Variants in PPIE observed in about 807,000 individuals in gnomAD.
PPIE encodes peptidylprolyl isomerase E, also known as peptidyl-prolyl cis-trans isomerase E.
A neutral mutation model predicts 38.4 loss-of-function variants in PPIE; 20 were observed. The observed-to-expected ratio is 0.52, with a 90% CI of 0.37 to 0.76. The LOEUF is 0.76. Among genes scored for constraint, PPIE ranks in the 30% least tolerant of loss-of-function variants. The probability of loss-of-function intolerance (pLI) is 0.00; values close to 1 mark genes in which losing one functional copy is unlikely to be tolerated. For missense variants in PPIE, 322 were observed against 385.8 expected (o/e 0.83, Z 1.39); for synonymous variants, 142 against 135.7 (o/e 1.05, Z -0.32).
chr1:39,741,670 C>A, intron 3 of PPIE: 1 of 626,080 alleles, frequency 1.6e-6, no homozygotes, highest in Non-Finnish European at 2.8e-6. Context: ...AGCATTCTTG[C>A]CTGGAAGTAG....
At chr1:39,762,708 G>A (rs1649163366) in intron 9 of PPIE, 1 of 1,466,356 alleles carries the variant, frequency 6.8e-7, no homozygotes, top group Non-Finnish European at 9.0e-7. Context: ...CGGGCGGTCA[G>A]ACTTGCCAGC....
chr1:39,745,524 G>A lies in PPIE; in HGVS notation c.508+26G>A, dbSNP rs371001547. 3.8e-5 allele frequency: 62 copies of A among 1,613,896 alleles called. 2 individuals carry two copies. In the Middle Eastern group the frequency reaches 4.9e-4, roughly 13 times the overall value. ...GTGAGCAGGACGCTGTGGTCAGAAC[G>A]GCGGGACGCTGGTGGCTGAGCAGTG... On this transcript the variant is annotated intron_variant, in intron 7 of 9. Transcript: ENST00000324379.
In PPIE at chr1:39,755,199, C is replaced by T. The variant is rs1025214749; in HGVS notation, c.*1844C>T. On this transcript the variant is annotated 3_prime_UTR_variant, in exon 10 of 10. Transcript: ENST00000324379. ...ACTGAGTCCTGTAGCTGTTGGACAC[C>T]TCCTGTGGGTTGGGTCACTCAGACC... is the stretch of plus-strand genomic sequence containing the variant. 2 of 985,336 alleles carry T rather than the reference C, an allele frequency of 2.0e-6. No individual in the cohort carries two copies. The highest frequency in any genetic ancestry group is 1.7e-5 in the African/African-American group (1 of 57,232). 61.0% of individuals were successfully genotyped at this position (985,336 alleles called of 1,614,324 possible). A position where few individuals can be genotyped will look rare whatever the true frequency, so the allele number is the denominator to read the frequency against.
chr1:39,762,895 A>G (rs912537764), intron 9 of PPIE, among the ~76,000 whole-genome samples: 4 of 152,212 alleles, frequency 2.6e-5, no homozygotes, highest in African/African-American at 4.8e-5. Flanking sequence ...TTTGGGTGCG[A>G]GTCTACGTGT....
chr1:39,756,351 T>A lies in PPIE; in HGVS notation c.*2996T>A. 1.0e-6 allele frequency: 1 copy of A among 985,434 alleles called. No individual in the cohort carries two copies. The highest frequency in any genetic ancestry group is 1.2e-6 in the Non-Finnish European group (1 of 829,918). 61.0% of individuals were successfully genotyped at this position (985,434 alleles called of 1,614,324 possible). On this transcript the variant is annotated 3_prime_UTR_variant, in exon 10 of 10. Coordinates refer to ENST00000324379, the MANE Select transcript of PPIE (RefSeq NM_006112.4). ...GACTGGGCACAGGGCTTCCTTTTGC[T>A]GATTCATTTCCCCCCTAACTCATTC... is the stretch of plus-strand genomic sequence containing the variant.
chr1:39,761,831 G>T (rs752246577), intron 9 of PPIE, among the ~76,000 whole-genome samples: 4 of 152,162 alleles, frequency 2.6e-5, no homozygotes, highest in Non-Finnish European at 5.9e-5. Flanking sequence ...TCACCTCCAC[G>T]GTTGTTTTGC....
At chr1:39,739,092 C>T (rs1385641980) in intron 1 of PPIE, 161 bp downstream of exon 1, 1 of 713,252 alleles carries the variant, frequency 1.4e-6, no homozygotes, top group South Asian at 4.2e-5. Context: ...GCTTAAACTC[C>T]TTCCAAGGTT....
At chr1:39,759,089 T>A (rs1293457145), downstream of PPIE, 1 of 152,354 alleles carries the variant, frequency 6.6e-6, no homozygotes, top group Non-Finnish European at 1.5e-5. Flanking sequence ...GCAGGTAAAT[T>A]ACAGGCTTAG....
downstream of PPIE, chr1:39,758,444 C>A (rs1175284787): frequency 6.6e-6 from 1 of 152,308 alleles, no homozygotes; most frequent in Non-Finnish European, 1.5e-5. Flanking sequence ...CCAGGATGGT[C>A]TTGAACTCCT....
downstream of PPIE, among the ~76,000 whole-genome samples, chr1:39,761,703 CCTT>C (rs1267547340): frequency 6.6e-5 from 10 of 152,270 alleles, no homozygotes; most frequent in African/African-American, 2.4e-4. Flanking sequence ...TGGAATTGCT[CCTT>C]CTGCTGGAAC....
rs1648132988 is a variant in PPIE, at chr1:39,755,178, A to T, written c.*1823A>T. On this transcript the variant is annotated 3_prime_UTR_variant, in exon 10 of 10. Coordinates refer to ENST00000324379, the MANE Select transcript of PPIE (RefSeq NM_006112.4). ...TGCTGAAGGCTTTTAGCAGGGACTG[A>T]GTCCTGTAGCTGTTGGACACCTCCT... The T allele has an allele frequency of 1.0e-6, 1 of 985,338 alleles. No homozygotes were observed. Among genetic ancestry groups the T allele is most frequent in the South Asian group, 4.7e-5 (1 of 21,298 alleles). The allele number at this position is 985,338 out of a possible 1,614,324, so 61.0% of individuals were successfully genotyped here. A position where few individuals can be genotyped will look rare whatever the true frequency, so the allele number is the denominator to read the frequency against.
rs1266357256 is a variant in PPIE, at chr1:39,742,367, T to TACTA, written c.201+447_201+448insCTAA. ...TGGGAAAAATGATGATGCTCTTTAG[T>TACTA]ATTTGTGCCTTCCTTGAGATCCTTT... On this transcript the variant is annotated intron_variant, in intron 4 of 9. Coordinates refer to ENST00000324379, the MANE Select transcript of PPIE (RefSeq NM_006112.4). The TACTA allele has an allele frequency of 1.5e-3, 232 of 156,966 alleles. 4 individuals carry two copies. Among genetic ancestry groups the TACTA allele is most frequent in the East Asian group, 1.1e-3 (6 of 5,354 alleles). The allele number at this position is 156,966 out of a possible 1,614,324, so 9.7% of individuals were successfully genotyped here. A position where few individuals can be genotyped will look rare whatever the true frequency, so the allele number is the denominator to read the frequency against.
chr1:39,763,190 C>G (rs776769804), intron 9 of PPIE: 2 of 1,612,476 alleles, frequency 1.2e-6, no homozygotes, highest in African/African-American at 1.3e-5. Context: ...CCTTGGGGAG[C>G]GATGACCCAG....
At chr1:39,758,342 C>T (rs921700238), downstream of PPIE, 1 of 152,270 alleles carries the variant, frequency 6.6e-6, no homozygotes, top group Non-Finnish European at 1.5e-5. Flanking sequence ...GCAATTCTGC[C>T]TCAGCCTCCT....
intron 8 of PPIE, among the ~76,000 whole-genome samples, chr1:39,750,738 C>T (rs1345898383): frequency 6.6e-6 from 1 of 152,164 alleles, no homozygotes; most frequent in Non-Finnish European, 1.5e-5. Flanking sequence ...TCTTTGCTGT[C>T]TCCTTCTTTT....
In PPIE at chr1:39,755,749, G is replaced by A. The variant is rs1185354595; in HGVS notation, c.*2394G>A. Reference sequence around the variant, plus strand: ...GTTCTGAAAGCTCAGCAGGTTTGGAGCCATTGGGTGTGGACTCCTCTCCCA... The same window carrying A: ...GTTCTGAAAGCTCAGCAGGTTTGGAACCATTGGGTGTGGACTCCTCTCCCA... On this transcript the variant is annotated 3_prime_UTR_variant, in exon 10 of 10. Coordinates refer to ENST00000324379, the MANE Select transcript of PPIE (RefSeq NM_006112.4). 1.0e-5 allele frequency: 10 copies of A among 985,406 alleles called. No homozygotes were observed. The highest frequency in any genetic ancestry group is 1.2e-5 in the Non-Finnish European group (10 of 829,934). The allele number at this position is 985,406 out of a possible 1,614,324, so 61.0% of individuals were successfully genotyped here.
At chr1:39,747,455 CTTTTTTTTTTTTTT>C (rs35755213) in intron 7 of PPIE, 1 of 72,972 alleles carries the variant, frequency 1.4e-5, no homozygotes, top group Non-Finnish European at 2.5e-5. Flanking sequence ...CACATCTTCT[CTTTTTTTTTTTTTT>C]TTTTTTTTTT....
Position 39,745,442 on chromosome 1 carries a change from A to T in PPIE, c.452A>T (p.Lys151Met). ...TACATGGACATCAAGATTGGGAACA[A>T]GCCGGCTGGCCGCATCCAGATGCTC... ...QVYMDIKIGN[K>M]PAGRIQMLLR... is the part of the protein sequence containing the mutation. Residue 151 changes from lysine (K) to methionine (M), a missense_variant, in exon 7 of 10, where the codon AAG becomes ATG. Lys to Met is a moderately conservative substitution (Grantham distance 95). Transcript: ENST00000324379. 1 of 1,614,248 alleles carries T rather than the reference A, an allele frequency of 6.2e-7. No homozygotes were observed. The highest frequency in any genetic ancestry group is 8.5e-7 in the Non-Finnish European group (1 of 1,180,054).
rs1649145356 is a variant in PPIE, at chr1:39,762,596, G to C, written c.838-1093G>C. 1.0e-5 allele frequency: 16 copies of C among 1,550,130 alleles called. 1 individual carries two copies. The highest frequency in any genetic ancestry group is 3.3e-4 in the Middle Eastern group (2 of 6,010). ...GGCCAAGAGAGAAACTGGGGGAAAAGCCAAAAGGTTGAGAGCCACACCATC... is the reference window on the plus strand; with the variant it reads ...GGCCAAGAGAGAAACTGGGGGAAAACCCAAAAGGTTGAGAGCCACACCATC... On this transcript the variant is annotated intron_variant, in intron 9 of 9. Transcript: ENST00000356511.
Sources: gnomAD v4.1 joint callset for allele counts (sites outside exome capture counted in the v4.1 genomes callset) on GRCh38, gnomAD v4.1.1 for gene constraint, MANE v1.5 for transcripts, NCBI Gene and HGNC (gene_info 2026-07-23, HGNC 2026-07-21) for gene names.